CCDC92B: variants seen among roughly 807,000 people sequenced by gnomAD.
CCDC92B encodes coiled-coil domain containing 92B, also known as coiled-coil domain-containing 92B.
Under a neutral mutation model 5.6 loss-of-function variants are expected in CCDC92B, and 2 were observed. The ratio of observed to expected loss-of-function variants is 0.36; its 90% CI spans 0.15 to 1.12. CCDC92B has a LOEUF of 1.12. CCDC92B is among the 50% of genes most tolerant of loss of function. The probability of loss-of-function intolerance (pLI) is 0.40; values close to 1 mark genes in which losing one functional copy is unlikely to be tolerated. For missense variants in CCDC92B, 271 were observed against 262.2 expected, an observed-to-expected ratio of 1.03 and a Z score of -0.23; for synonymous variants, 115 against 122.3, an observed-to-expected ratio of 0.94 and a Z score of 0.39.
At chr17:2,732,865 T>G (rs1241106675) in intron 2 of CCDC92B, among the ~76,000 whole-genome samples, 2 of 151,058 alleles carry the variant, frequency 1.3e-5, no homozygotes, top group Non-Finnish European at 2.9e-5. Flanking sequence ...TACAAAAAAT[T>G]AGCCGGGCGT....
At chr17:2,733,044 A>G (rs966682739) in intron 2 of CCDC92B, among the ~76,000 whole-genome samples, 2 of 149,048 alleles carry the variant, frequency 1.3e-5, no homozygotes, top group African/African-American at 4.9e-5. Flanking sequence ...ATAAATAAAT[A>G]AATAAATAAA....
At chr17:2,737,336 C>A (rs1293741030) in intron 1 of CCDC92B, among the ~76,000 whole-genome samples, 1 of 152,000 alleles carries the variant, frequency 6.6e-6, no homozygotes, top group Non-Finnish European at 1.5e-5. Context: ...TCAGAAAAAT[C>A]CAGATTTTCA....
At chr17:2,744,196 C>T (rs58780263) in intron 1 of CCDC92B, among the ~76,000 whole-genome samples, 73,347 of 145,728 alleles carry the variant, frequency 0.5, 18,787 homozygotes, top group African/African-American at 0.68. Flanking sequence ...TTTTTTTTTT[C>T]ATTTTTTATT....
At chr17:2,736,769 T>C (rs1276252232) in intron 1 of CCDC92B, among the ~76,000 whole-genome samples, 1 of 151,412 alleles carries the variant, frequency 6.6e-6, no homozygotes, top group Non-Finnish European at 1.5e-5. Context: ...TAATCTCAGC[T>C]ACTCGGGAGG....
chr17:2,726,290 G>A (rs1015805598), intron 3 of CCDC92B, among the ~76,000 whole-genome samples: 1 of 151,440 alleles, frequency 6.6e-6, no homozygotes, highest in Non-Finnish European at 1.5e-5. Flanking sequence ...CCATTCTCCT[G>A]CCTCAGCCTC....
chr17:2,724,284 G>A lies in CCDC92B; in HGVS notation c.*127C>T, dbSNP rs990699302. The A allele has an allele frequency of 1.6e-5, 16 of 985,250 alleles. No individual in the cohort carries two copies. The African/African-American group carries it at 2.8e-4, about 17-fold the overall frequency. 61.0% of individuals were successfully genotyped at this position (985,250 alleles called of 1,614,324 possible). On this transcript the variant is annotated 3_prime_UTR_variant, in exon 4 of 4. Transcript: ENST00000614400. This position sits in a 1 kb window ranked among gnomAD's most constrained non-coding sequence, Gnocchi z 5.0. ...GTTCGGGGATTTGGGGGGAGCCGGG[G>A]CCGCCTCGCCCCGCTTCCTGGAGGA...
chr17:2,735,109 C>G lies in CCDC92B; in HGVS notation c.37G>C (p.Val13Leu), dbSNP rs879138102. 1 of 985,434 alleles carries G rather than the reference C, an allele frequency of 1.0e-6. No individual in the cohort carries two copies. 61.0% of individuals were successfully genotyped at this position (985,434 alleles called of 1,614,324 possible). ...TVSLEHQIQSVQRHISFLKKE... is the reference protein window; with the variant it reads ...TVSLEHQIQSLQRHISFLKKE... ...TTCAGGAAGCTGATGTGGCGTTGCACGCTCTGGATCTGATGCTCCAGGGAC... is the reference window on the plus strand; with the variant it reads ...TTCAGGAAGCTGATGTGGCGTTGCAGGCTCTGGATCTGATGCTCCAGGGAC... Residue 13 changes from valine (V) to leucine (L), a missense_variant, in exon 2 of 4, where the codon GTG (valine) becomes CTG (leucine). By Grantham distance (32) the Val-to-Leu change is conservative. Transcript: ENST00000614400.
chr17:2,748,328 C>T, intron 1 of CCDC92B: 1 of 1,253,020 alleles, frequency 8.0e-7, no homozygotes, highest in Admixed American at 2.4e-5. Flanking sequence ...CCTGATCCCC[C>T]ACCAAGATGG....
chr17:2,742,168 T>G (rs573222161), intron 1 of CCDC92B, among the ~76,000 whole-genome samples: 3 of 151,818 alleles, frequency 2.0e-5, no homozygotes, highest in African/African-American at 7.2e-5. Context: ...AACTCCCAGG[T>G]TCATGCTGAG....
chr17:2,740,594 C>T (rs532826185), intron 1 of CCDC92B, among the ~76,000 whole-genome samples: 1 of 151,836 alleles, frequency 6.6e-6, no homozygotes, highest in African/African-American at 2.4e-5. Flanking sequence ...ACCCAGGAGG[C>T]GGAGGTTGCA....
In CCDC92B at chr17:2,724,066, A is replaced by G; in HGVS notation, c.*345T>C. The stretch of plus-strand genomic sequence containing the variant: ...GAGCCCAGCCCTCCCCACCCCACCA[A>G]GGATTGTCGGCTTTCCCGGGGAAGG... On this transcript the variant is annotated 3_prime_UTR_variant, in exon 4 of 4. Coordinates refer to ENST00000614400, the MANE Select transcript of CCDC92B (RefSeq NM_001355573.2). This position sits in a 1 kb window ranked among gnomAD's most constrained non-coding sequence, Gnocchi z 5.0. The G allele has an allele frequency of 6.1e-6, 6 of 985,188 alleles. No individual in the cohort carries two copies. The highest frequency in any genetic ancestry group is 7.2e-6 in the Non-Finnish European group (6 of 829,836). 61.0% of individuals were successfully genotyped at this position (985,188 alleles called of 1,614,324 possible).
intron 1 of CCDC92B, among the ~76,000 whole-genome samples, chr17:2,746,453 T>C (rs1176800488): frequency 1.3e-5 from 2 of 152,200 alleles, no homozygotes; most frequent in Non-Finnish European, 2.9e-5. Context: ...TTTGGGGAAG[T>C]TGGTGGAGAA....
At chr17:2,740,435 G>C (rs1171186375) in intron 1 of CCDC92B, among the ~76,000 whole-genome samples, 1 of 151,984 alleles carries the variant, frequency 6.6e-6, no homozygotes, top group African/African-American at 2.4e-5. Flanking sequence ...GCTGAGGCAG[G>C]CTGATCACTT....
chr17:2,741,249 A>C (rs1023873875), intron 1 of CCDC92B, among the ~76,000 whole-genome samples: 1 of 152,066 alleles, frequency 6.6e-6, no homozygotes, highest in Non-Finnish European at 1.5e-5. Context: ...ACTTTCTGCT[A>C]AGTGCTTCAC....
rs2070682562 is a variant in CCDC92B at position 2,723,505 on chromosome 17, CTT to C, written c.*904_*905del. Reference sequence around the variant, plus strand: ...CGCGCCCAGCCAAGGCTCTCTTCTTCTTGTCTCTGGGTGCAGCCAGCTGATTA... The same window carrying C: ...CGCGCCCAGCCAAGGCTCTCTTCTTCGTCTCTGGGTGCAGCCAGCTGATTA... On this transcript the variant is annotated 3_prime_UTR_variant, in exon 4 of 4. Transcript: ENST00000614400. 3.3e-5 allele frequency: 5 copies of C among 150,690 alleles called. No individual in the cohort carries two copies. The highest frequency in any genetic ancestry group is 1.2e-4 in the African/African-American group (5 of 40,552). 9.3% of individuals were successfully genotyped at this position (150,690 alleles called of 1,614,324 possible).
chr17:2,724,944 C>T lies in CCDC92B; in HGVS notation c.235G>A (p.Ala79Thr), dbSNP rs1050125963. 1.0e-5 allele frequency: 10 copies of T among 985,416 alleles called. No homozygotes were observed. The highest frequency in any genetic ancestry group is 1.2e-5 in the Non-Finnish European group (10 of 830,036). 61.0% of individuals were successfully genotyped at this position (985,416 alleles called of 1,614,324 possible). The change falls in exon 4 of 4, where the codon GCG (alanine) becomes ACG (threonine). Residue 79 changes from alanine to threonine, a missense_variant. Ala to Thr is a moderately conservative substitution (Grantham distance 58). Coordinates refer to ENST00000614400, the MANE Select transcript of CCDC92B (RefSeq NM_001355573.2). The surrounding 1 kb of genome is among the most constrained non-coding windows in gnomAD (Gnocchi z 5.0). Reference protein sequence around the residue: ...KCRALESQLEARAAANAELRR... With the variant: ...KCRALESQLETRAAANAELRR... ...AGCTCCGCGTTGGCCGCAGCACGCG[C>T]CTCCAGCTGCGACTCCAGCGCGCGG...
intron 2 of CCDC92B, among the ~76,000 whole-genome samples, chr17:2,734,344 T>C (rs2070834156): frequency 6.6e-6 from 1 of 152,108 alleles, no homozygotes. Context: ...GAGGTCCTGC[T>C]TGATTTCTGC....
chr17:2,729,527 T>C (rs2070772045), intron 3 of CCDC92B, among the ~76,000 whole-genome samples: 1 of 146,698 alleles, frequency 6.8e-6, no homozygotes, highest in Non-Finnish European at 1.5e-5. Flanking sequence ...ACTGTGTCCC[T>C]CCAAGTCAGG....
chr17:2,746,485 A>C (rs1015765481), intron 1 of CCDC92B, among the ~76,000 whole-genome samples: 1 of 152,122 alleles, frequency 6.6e-6, no homozygotes, highest in African/African-American at 2.4e-5. Flanking sequence ...TCAGGTCCCC[A>C]AACACGGGTA....
Sources: gnomAD v4.1 joint callset for allele counts (sites outside exome capture counted in the v4.1 genomes callset) on GRCh38, gnomAD v4.1.1 for gene constraint, Gnocchi (gnomAD v3.1) non-coding constraint, MANE v1.5 for transcripts, NCBI Gene and HGNC (gene_info 2026-07-23, HGNC 2026-07-21) for gene names.